GRIK2: variants seen among roughly 807,000 people sequenced by gnomAD.
GRIK2 encodes glutamate ionotropic receptor kainate type subunit 2, also known as glutamate receptor ionotropic, kainate 2.
Under a neutral mutation model 100.3 loss-of-function variants are expected in GRIK2, and 32 were observed. That is an observed-to-expected ratio of 0.32 (90% CI 0.24 to 0.43). GRIK2 has a LOEUF of 0.43. Ranked by LOEUF, GRIK2 falls within the 20% of genes least tolerant of loss-of-function variation. The probability of loss-of-function intolerance (pLI) is 1.00; values close to 1 mark genes in which losing one functional copy is unlikely to be tolerated. For missense variants in GRIK2, 843 were observed against 1,114.9 expected (o/e 0.76, Z 3.47); for synonymous variants, 417 against 389.4 (o/e 1.07, Z -0.83).
intron 2 of GRIK2, among the ~76,000 whole-genome samples, chr6:101,547,122 C>T (rs922930889): frequency 6.6e-6 from 1 of 152,020 alleles, no homozygotes; most frequent in Non-Finnish European, 1.5e-5. Context: ...TGAGCCACCG[C>T]GCCCGGCCGT....
At chr6:101,838,081 C>A (rs1783256043) in intron 10 of GRIK2, among the ~76,000 whole-genome samples, 1 of 152,178 alleles carries the variant, frequency 6.6e-6, no homozygotes, top group Admixed American at 6.5e-5. Context: ...TCTGAAATCA[C>A]AGGGACACAG....
intron 14 of GRIK2, among the ~76,000 whole-genome samples, chr6:101,978,609 A>C (rs1793539085): frequency 6.6e-6 from 1 of 151,998 alleles, no homozygotes; most frequent in Admixed American, 6.6e-5. Flanking sequence ...AGAAGTTAGA[A>C]AATAAAAGCC....
At chr6:102,028,608 T>A (rs2114396764) in intron 14 of GRIK2, among the ~76,000 whole-genome samples, 1 of 151,338 alleles carries the variant, frequency 6.6e-6, no homozygotes, top group East Asian at 1.9e-4. Flanking sequence ...CTTACAGTGC[T>A]TTTTTTAAGA....
intron 7 of GRIK2, among the ~76,000 whole-genome samples, chr6:101,742,044 C>G (rs1776060481): frequency 6.6e-6 from 1 of 152,212 alleles, no homozygotes; most frequent in Non-Finnish European, 1.5e-5. Flanking sequence ...CTAGTGGTAA[C>G]AGCCTCTCTT....
rs540396622 is a variant in GRIK2, at chr6:101,958,993, T to G, written c.2085+30361T>G. Among the ~76,000 whole-genome samples the G allele has an allele frequency of 3.3e-5, 5 of 152,218 alleles. No homozygotes were observed. In the South Asian group the frequency reaches 1.0e-3, roughly 32 times the overall value. Reference sequence around the variant, plus strand: ...GATATTGGCCTATAGTTTTCTATTTTTGTGGTATTCTTGCCTGGCTTTGGT... The same window carrying G: ...GATATTGGCCTATAGTTTTCTATTTGTGTGGTATTCTTGCCTGGCTTTGGT... On this transcript the variant is annotated intron_variant, in intron 14 of 16. Coordinates refer to ENST00000369134, the MANE Select transcript of GRIK2 (RefSeq NM_021956.5).
chr6:101,749,024 A>G (rs1776618901), intron 7 of GRIK2, among the ~76,000 whole-genome samples: 1 of 152,174 alleles, frequency 6.6e-6, no homozygotes, highest in East Asian at 1.9e-4. Context: ...AAAGGAACTA[A>G]CTTTTATTAA....
chr6:101,976,040 A>G (rs73763615), intron 14 of GRIK2, among the ~76,000 whole-genome samples: 2,684 of 152,018 alleles, frequency 0.018, 87 homozygotes, highest in African/African-American at 0.062. Flanking sequence ...TGGAGGGTAG[A>G]GGTAGAGGGG....
At chr6:102,062,049 T>A (rs1771779924) in intron 16 of GRIK2, among the ~76,000 whole-genome samples, 2 of 149,800 alleles carry the variant, frequency 1.3e-5, no homozygotes, top group Non-Finnish European at 3.0e-5. Flanking sequence ...CTAGCTTAAG[T>A]AGGGGAAATT....
At chr6:102,051,322 C>T (rs114418144) in intron 15 of GRIK2, among the ~76,000 whole-genome samples, 2,728 of 122,572 alleles carry the variant, frequency 0.022, 83 homozygotes, top group African/African-American at 0.081. Context: ...CCACTCTCTG[C>T]AAGCTAGGAC....
At chr6:101,856,714 G>A (rs971999543) in intron 10 of GRIK2, among the ~76,000 whole-genome samples, 1 of 152,150 alleles carries the variant, frequency 6.6e-6, no homozygotes, top group Non-Finnish European at 1.5e-5. Context: ...TGATCGAAGA[G>A]CACAGGCGTG....
chr6:101,942,651 C>T (rs554238027), intron 14 of GRIK2, among the ~76,000 whole-genome samples: 1 of 152,102 alleles, frequency 6.6e-6, no homozygotes, highest in Non-Finnish European at 1.5e-5. Flanking sequence ...ATCTGTGGAA[C>T]TTTGAGCTTG....
At chr6:101,414,934 T>C (rs1348623252) in intron 2 of GRIK2, among the ~76,000 whole-genome samples, 2 of 140,996 alleles carry the variant, frequency 1.4e-5, no homozygotes, top group African/African-American at 2.7e-5. Flanking sequence ...CTGTAGAGTT[T>C]TAAACTTGTG....
At chr6:101,822,922 T>C in intron 10 of GRIK2, among the ~76,000 whole-genome samples, 1 of 152,106 alleles carries the variant, frequency 6.6e-6, no homozygotes, top group Non-Finnish European at 1.5e-5. Context: ...CTAACACTTA[T>C]AGTTTATGAT....
rs200714877 is a variant in GRIK2, at chr6:101,831,953, T to C, written c.1317+13470T>C. 2.6e-5 allele frequency among the ~76,000 whole-genome samples: 4 copies of C among 152,222 alleles called. No individual in the cohort carries two copies. The East Asian group carries it at 7.7e-4, about 29-fold the overall frequency. Reference sequence around the variant, plus strand: ...ATGCCTAAAATATAGTTTAGATTAGTGGTGGTATTTATTAAAATAATTTAA... The same window carrying C: ...ATGCCTAAAATATAGTTTAGATTAGCGGTGGTATTTATTAAAATAATTTAA... On this transcript the variant is annotated intron_variant, in intron 10 of 16. Coordinates refer to ENST00000369134, the MANE Select transcript of GRIK2 (RefSeq NM_021956.5).
At chr6:101,436,923 A>T (rs1769750412) in intron 2 of GRIK2, among the ~76,000 whole-genome samples, 1 of 151,346 alleles carries the variant, frequency 6.6e-6, no homozygotes, top group Non-Finnish European at 1.5e-5. Flanking sequence ...ATTAAGATTA[A>T]AATGGCTCAA....
chr6:101,545,825 C>A (rs1452983131), intron 2 of GRIK2, among the ~76,000 whole-genome samples: 1 of 152,070 alleles, frequency 6.6e-6, no homozygotes, highest in Non-Finnish European at 1.5e-5. Context: ...TTATAATTAG[C>A]TTTCCCTTTC....
At chr6:101,487,956 T>A (rs1772914655) in intron 2 of GRIK2, among the ~76,000 whole-genome samples, 1 of 146,492 alleles carries the variant, frequency 6.8e-6, no homozygotes, top group Non-Finnish European at 1.5e-5. Context: ...AAAATCTGTA[T>A]TTTTACCTTC....
intron 13 of GRIK2, among the ~76,000 whole-genome samples, chr6:101,926,541 C>T (rs1789917205): frequency 6.6e-6 from 1 of 152,094 alleles, no homozygotes; most frequent in Non-Finnish European, 1.5e-5. Context: ...ATAGGACAAA[C>T]TTGCTATTAG....
At chr6:101,645,176 A>AT (rs1461769622) in intron 4 of GRIK2, among the ~76,000 whole-genome samples, 1 of 151,642 alleles carries the variant, frequency 6.6e-6, no homozygotes, top group Non-Finnish European at 1.5e-5. Flanking sequence ...AAAAAAAAAA[A>AT]CTAAAATCAA....
Sources: allele counts gnomAD v4.1 joint callset (sites outside exome capture counted in the v4.1 genomes callset), GRCh38; gene constraint gnomAD v4.1.1; transcripts MANE v1.5; gene names NCBI Gene and HGNC (gene_info 2026-07-23, HGNC 2026-07-21).